The following GRID2 variants were observed in gnomAD, a reference collection of about 807,000 sequenced individuals.
The protein encoded by GRID2 is glutamate ionotropic receptor delta type subunit 2, also known as glutamate receptor ionotropic, delta-2.
In GRID2, 33 loss-of-function variants were observed where a neutral mutation model predicts 114.8. The observed-to-expected ratio is 0.29, with a 90% CI of 0.22 to 0.38. The LOEUF is 0.38. Among genes scored for constraint, GRID2 ranks in the 10% least tolerant of loss-of-function variants. The probability of loss-of-function intolerance (pLI) is 1.00; values close to 1 mark genes in which losing one functional copy is unlikely to be tolerated. For synonymous variants in GRID2, 505 were observed against 449.9 expected (o/e 1.12, Z -1.55); for missense variants, 1,184 against 1,257.7 (o/e 0.94, Z 0.89).
chr4:92,743,333 T>C (rs1736988662), intron 2 of GRID2, among the ~76,000 whole-genome samples: 1 of 152,198 alleles, frequency 6.6e-6, no homozygotes, highest in South Asian at 2.1e-4. Context: ...TCTCTGTTGT[T>C]ATAGGCCATT....
intron 4 of GRID2, among the ~76,000 whole-genome samples, chr4:93,134,631 A>T (rs1735077580): frequency 6.6e-6 from 1 of 151,394 alleles, no homozygotes; most frequent in African/African-American, 2.4e-5. Flanking sequence ...AATGAACATC[A>T]TTTTTTTTTA....
chr4:93,320,268 A>T (rs1757074898), intron 8 of GRID2, among the ~76,000 whole-genome samples: 1 of 152,120 alleles, frequency 6.6e-6, no homozygotes, highest in African/African-American at 2.4e-5. Flanking sequence ...AAGAAACCTT[A>T]CTAACGGAAA....
intron 12 of GRID2, among the ~76,000 whole-genome samples, chr4:93,498,854 C>T (rs1267197259): frequency 6.6e-6 from 1 of 151,828 alleles, no homozygotes; most frequent in Non-Finnish European, 1.5e-5. Flanking sequence ...TGCTTTGTTC[C>T]TGATCTTGCT....
At chr4:93,590,135 A>G (rs1320845364) in intron 13 of GRID2, among the ~76,000 whole-genome samples, 1 of 150,326 alleles carries the variant, frequency 6.7e-6, no homozygotes, top group African/African-American at 2.4e-5. Context: ...GCCCATGCCT[A>G]TGTCCTGAAT....
intron 2 of GRID2, among the ~76,000 whole-genome samples, chr4:93,043,069 C>G (rs1725755387): frequency 6.6e-6 from 1 of 152,158 alleles, no homozygotes; most frequent in African/African-American, 2.4e-5. Flanking sequence ...ATTCCTTTAT[C>G]TTTGCTAGGC....
At chr4:93,738,785 A>G (rs141128226) in intron 14 of GRID2, among the ~76,000 whole-genome samples, 33 of 152,264 alleles carry the variant, frequency 2.2e-4, no homozygotes, top group African/African-American at 7.9e-4. Flanking sequence ...TTATTAGATT[A>G]TTAGAAAGAT....
In GRID2 at chr4:93,596,451, G is replaced by A. The variant is rs973136459; in HGVS notation, c.2194-29818G>A. 1.2e-4 allele frequency among the ~76,000 whole-genome samples: 19 copies of A among 152,156 alleles called. No homozygotes were observed. In the East Asian group the frequency reaches 2.3e-3, roughly 19 times the overall value. On this transcript the variant is annotated intron_variant, in intron 13 of 15. Transcript: ENST00000282020. ...AAATTAGCTGGGCATGGTGGCAGGC[G>A]CCTGTAGTCCCAGCTACTCGGGAGG...
intron 1 of GRID2, among the ~76,000 whole-genome samples, chr4:92,444,658 C>G (rs1016637845): frequency 2.6e-5 from 4 of 152,012 alleles, no homozygotes; most frequent in African/African-American, 9.7e-5. Context: ...CCTGACATTT[C>G]GTACTATGGA....
At chr4:93,127,023 T>C (rs991786595) in intron 4 of GRID2, among the ~76,000 whole-genome samples, 2 of 152,240 alleles carry the variant, frequency 1.3e-5, no homozygotes, top group Admixed American at 6.5e-5. Flanking sequence ...GTGACACTGC[T>C]AATCACTCTG....
intron 2 of GRID2, among the ~76,000 whole-genome samples, chr4:92,667,715 C>T (rs1158816565): frequency 1.3e-5 from 2 of 151,166 alleles, no homozygotes; most frequent in South Asian, 4.2e-4. Context: ...AAAAAAATAC[C>T]CCCTAGAGTG....
intron 8 of GRID2, among the ~76,000 whole-genome samples, chr4:93,362,834 T>C (rs781395901): frequency 3.6e-4 from 55 of 152,314 alleles, no homozygotes; most frequent in Non-Finnish European, 6.2e-4. Flanking sequence ...TCTACTCTTA[T>C]GAGTGTACTC....
At chr4:93,810,030 C>A (rs1735102380) in exon 2 of GRID2, 1 of 152,192 alleles carries the variant, frequency 6.6e-6, no homozygotes, top group Non-Finnish European at 1.5e-5. Flanking sequence ...ATCTCCAGGT[C>A]ATGGTAGCTG....
At position 93,455,745 on chromosome 4, in the gene GRID2, C is replaced by T; in HGVS notation, c.1629C>T (p.Tyr543=). The change falls in exon 11 of 16, where the codon TAC becomes TAT. Residue 543 remains tyrosine, a synonymous_variant. Transcript: ENST00000282020. Reference sequence around the variant, plus strand: ...ACTTTACGACACGTTACATGGACTACTCAGTGGGGGTACTACTTCGAAGGG... The same window carrying T: ...ACTTTACGACACGTTACATGGACTATTCAGTGGGGGTACTACTTCGAAGGG... The part of the protein sequence containing the change: ...VVDFTTRYMD[Y]SVGVLLRRAE... 6.2e-7 allele frequency: 1 copy of T among 1,611,002 alleles called. No individual in the cohort carries two copies. Among genetic ancestry groups the T allele is most frequent in the Non-Finnish European group, 8.5e-7 (1 of 1,177,212 alleles).
chr4:92,648,309 G>A (rs564681193), intron 2 of GRID2, among the ~76,000 whole-genome samples: 2 of 149,450 alleles, frequency 1.3e-5, no homozygotes, highest in Non-Finnish European at 3.0e-5. Flanking sequence ...CCCAAATACT[G>A]TAAATCACCA....
rs575656203 is a variant in GRID2 at position 93,143,518 on chromosome 4, T to C, written c.735+32565T>C. Among the ~76,000 whole-genome samples, 5 of 152,340 alleles carry C rather than the reference T, an allele frequency of 3.3e-5. No individual in the cohort carries two copies. The East Asian group carries it at 5.8e-4, about 18-fold the overall frequency. On this transcript the variant is annotated intron_variant, in intron 4 of 15. Transcript: ENST00000282020. ...TTTCCTACCATGTTGCATGTGCATGTAAATCTTAGTTGCTTCTTCAGCCAA... is the reference window on the plus strand; with the variant it reads ...TTTCCTACCATGTTGCATGTGCATGCAAATCTTAGTTGCTTCTTCAGCCAA...
intron 1 of GRID2, among the ~76,000 whole-genome samples, chr4:92,427,873 C>G (rs1181252944): frequency 6.6e-6 from 1 of 152,086 alleles, no homozygotes; most frequent in East Asian, 1.9e-4. Context: ...GAAAGACTTA[C>G]CAAAAATCAA....
chr4:93,287,577 G>A (rs1753318267), intron 8 of GRID2, among the ~76,000 whole-genome samples: 1 of 152,096 alleles, frequency 6.6e-6, no homozygotes. Flanking sequence ...AAATTATACT[G>A]AATTTAGGGA....
chr4:93,264,255 T>C (rs1311665581), intron 8 of GRID2, among the ~76,000 whole-genome samples: 1 of 152,158 alleles, frequency 6.6e-6, no homozygotes, highest in African/African-American at 2.4e-5. Context: ...TCATTAATGA[T>C]TGCACTAAGA....
At chr4:93,073,636 T>C (rs1729006624) in intron 2 of GRID2, among the ~76,000 whole-genome samples, 1 of 152,062 alleles carries the variant, frequency 6.6e-6, no homozygotes, top group South Asian at 2.1e-4. Flanking sequence ...CCCTAGAAAG[T>C]AAAAGCCTTA....
Sources: gnomAD v4.1 joint callset for allele counts (sites outside exome capture counted in the v4.1 genomes callset) on GRCh38, gnomAD v4.1.1 for gene constraint, MANE v1.5 for transcripts, NCBI Gene and HGNC (gene_info 2026-07-23, HGNC 2026-07-21) for gene names.